PITPNM1: variants seen among roughly 807,000 people sequenced by gnomAD.
PITPNM1 encodes the protein phosphatidylinositol transfer protein membrane associated 1.
PITPNM1 carries 74 observed loss-of-function variants against 133.3 expected under a neutral mutation model. The observed-to-expected ratio is 0.56, with a 90% confidence interval of 0.46 to 0.67. The LOEUF (loss-of-function observed/expected upper bound fraction) is 0.67, where lower values mean the gene tolerates loss of function less well. Ranked by LOEUF, PITPNM1 falls within the 30% of genes least tolerant of loss-of-function variation. PITPNM1 has a pLI of 0.00. For synonymous variants in PITPNM1, 738 were observed against 741.4 expected (o/e 1.00, Z 0.08); for missense variants, 1,398 against 1,739.5 (o/e 0.80, Z 3.49).
chr11:67,502,996 A>G lies in PITPNM1; in HGVS notation c.79-278T>C, dbSNP rs1866384785. 6.6e-6 allele frequency among the ~76,000 whole-genome samples: 1 copy of G among 152,204 alleles called. No homozygotes were observed. The highest frequency in any genetic ancestry group is 2.4e-5 in the African/African-American group (1 of 41,442). On this transcript the variant is annotated intron_variant, in intron 2 of 23. Transcript: ENST00000356404. The surrounding 1 kb of genome is among the most constrained non-coding windows in gnomAD (Gnocchi z 5.9). ...AGTGTTTGGGATTATATCAATTGAG[A>G]TATATTGATGAATAGAACAAAGATC...
Position 67,492,214 on chromosome 11 carries a change from G to A in PITPNM1, c.3554C>T (p.Ala1185Val), listed in dbSNP as rs1482916517. The A allele has an allele frequency of 1.1e-5, 18 of 1,610,102 alleles. No homozygotes were observed. The highest frequency in any genetic ancestry group is 1.4e-5 in the Non-Finnish European group (17 of 1,178,738). ...ACCATAGCTGCTCTTGCCCAAGGCAGCTCTCGGGGGTCCCGAGGAGGCATG... is the reference window on the plus strand; with the variant it reads ...ACCATAGCTGCTCTTGCCCAAGGCAACTCTCGGGGGTCCCGAGGAGGCATG... Reference protein sequence around the residue: ...HSHASSGPPRAALGKSSYGVA... With the variant: ...HSHASSGPPRVALGKSSYGVA... The change falls in exon 24 of 24, where the codon GCT becomes GTT. Residue 1185 changes from alanine (A) to valine (V), a missense_variant. Ala to Val is a moderately conservative substitution (Grantham distance 64). This residue lies in a region of PITPNM1 where 122 missense variants were observed against 123.3 expected (regional missense o/e 0.99). Transcript: ENST00000356404.
intron 15 of PITPNM1, 144 bp from the exon 16 acceptor site, chr11:67,495,746 T>C: frequency 1.3e-6 from 1 of 789,332 alleles, no homozygotes; most frequent in Non-Finnish European, 1.9e-6. Flanking sequence ...TTCTCTCCTC[T>C]CAGCCCAGTG....
At chr11:67,497,789 G>T (rs966867047) in intron 12 of PITPNM1, 110 bp from the exon 13 acceptor site, 26 of 1,509,456 alleles carry the variant, frequency 1.7e-5, no homozygotes, top group Non-Finnish European at 2.3e-5. Flanking sequence ...GAATTCCAGA[G>T]AAGACATGAA....
Position 67,504,527 on chromosome 11 carries a change from C to T in PITPNM1, c.-41-306G>A, listed in dbSNP as rs1027703028. ...GGGCGGGAGGGCCACCTCACCTCTC[C>T]CGCTGCGACCGCGTCCTAACCCCGG... On this transcript the variant is annotated intron_variant, in intron 1 of 23. Transcript: ENST00000356404. The surrounding 1 kb of genome is among the most constrained non-coding windows in gnomAD (Gnocchi z 5.4). The T allele has an allele frequency of 2.6e-5, 4 of 152,276 alleles. No individual in the cohort carries two copies. Among genetic ancestry groups the T allele is most frequent in the Admixed American group, 2.6e-4 (4 of 15,296 alleles). 9.4% of individuals were successfully genotyped at this position (152,276 alleles called of 1,614,324 possible).
intron 16 of PITPNM1, 65 bp downstream of exon 16, chr11:67,495,373 G>T: frequency 6.9e-7 from 1 of 1,456,822 alleles, no homozygotes; most frequent in Non-Finnish European, 9.1e-7. Flanking sequence ...TCTCAGCTGG[G>T]CTTCGGAGGT....
chr11:67,497,970 G>A lies in PITPNM1; in HGVS notation c.1729C>T (p.His577Tyr), dbSNP rs1183785595. ...GGILGFDALC[H>Y]SANAGTGSRG... ...CTCCCGGTGCCCGCGTTAGCACTGT[G>A]GCAGAGTGCATCAAAGCCCAGGATG... Residue 577 changes from histidine (H) to tyrosine (Y), a missense_variant, in exon 12 of 24, where the codon CAC becomes TAC. Coordinates refer to ENST00000356404, the MANE Select transcript of PITPNM1 (RefSeq NM_004910.3). 1.2e-6 allele frequency: 2 copies of A among 1,611,178 alleles called. No individual in the cohort carries two copies. Among genetic ancestry groups the A allele is most frequent in the Non-Finnish European group, 1.7e-6 (2 of 1,180,010 alleles).
intron 23 of PITPNM1, among the ~76,000 whole-genome samples, chr11:67,492,570 C>T (rs1262003712): frequency 2.0e-5 from 3 of 152,258 alleles, no homozygotes; most frequent in East Asian, 3.8e-4. Context: ...TTAGCCAGCA[C>T]TTGCTTTGTG....
chr11:67,495,587 G>A lies in PITPNM1; in HGVS notation c.2333C>T (p.Thr778Met), dbSNP rs528261201. Reference protein sequence around the residue: ...SSLLLADTLQTHSSLFLEELE... With the variant: ...SSLLLADTLQMHSSLFLEELE... ...CTCCTCCAGAAAGAGGCTGGAGTGC[G>A]TCTGCAGAGTGTCGGCTGGGGGAAG... The change falls in exon 16 of 24, where the codon ACG (threonine) becomes ATG (methionine). Residue 778 changes from threonine (T) to methionine (M), a missense_variant. Thr to Met is a moderately conservative substitution (Grantham distance 81). This residue lies in a region of PITPNM1 where 574 missense variants were observed against 698.7 expected (regional missense o/e 0.82). Transcript: ENST00000356404. 2.3e-5 allele frequency: 37 copies of A among 1,575,354 alleles called. No homozygotes were observed. In the East Asian group the frequency reaches 3.0e-4, roughly 13 times the overall value.
chr11:67,494,008 G>A lies in PITPNM1; in HGVS notation c.2922C>T (p.Val974=). Residue 974 remains valine (V), a synonymous_variant, in exon 20 of 24, where the codon GTC becomes GTT. Transcript: ENST00000356404. ...SGKWIHFGTE[V]TNSSGRLTFP... is the part of the protein sequence containing the mutation. ...AGGTGAGGCGGCCCGAGCTATTGGT[G>A]ACTTCGGTGCCAAAGTGGATCCACT... 1.2e-6 allele frequency: 2 copies of A among 1,612,146 alleles called. No individual in the cohort carries two copies.
At position 67,498,684 on chromosome 11, in the gene PITPNM1, T is replaced by G; in HGVS notation, c.1396A>C (p.Ile466Leu). Residue 466 changes from isoleucine to leucine, a missense_variant, in exon 10 of 24, where the codon ATC becomes CTC. By Grantham distance (5) the Ile-to-Leu change is conservative. Coordinates refer to ENST00000356404, the MANE Select transcript of PITPNM1 (RefSeq NM_004910.3). This position sits in a 1 kb window ranked among gnomAD's most constrained non-coding sequence, Gnocchi z 5.7. ...LSSAFEAVTRIHFPEALGHVA... is the reference protein window; with the variant it reads ...LSSAFEAVTRLHFPEALGHVA... ...TGGCCCAAGGCCTCAGGGAAGTGGA[T>G]GCGGGTGACGGCCTCGAAGGCGGAG... is the stretch of plus-strand genomic sequence containing the variant. 1 of 1,603,656 alleles carries G rather than the reference T, an allele frequency of 6.2e-7. No individual in the cohort carries two copies. Among genetic ancestry groups the G allele is most frequent in the Non-Finnish European group, 8.5e-7 (1 of 1,179,928 alleles).
rs1431735782 is a variant in PITPNM1, at chr11:67,497,628, C to G, written c.1834G>C (p.Asp612His). The G allele has an allele frequency of 6.2e-7, 1 of 1,608,414 alleles. No individual in the cohort carries two copies. Among genetic ancestry groups the G allele is most frequent in the Non-Finnish European group, 8.5e-7 (1 of 1,178,650 alleles). Residue 612 changes from aspartate (D) to histidine (H), a missense_variant, in exon 13 of 24, where the codon GAT becomes CAT. Around this residue, in one of 5 missense-constraint regions of PITPNM1, gnomAD observed 574 missense variants for 698.7 expected, o/e 0.82. Transcript: ENST00000356404. ...EFGPVRDPLA[D>H]GVEGLGRGSP... ...CCCCGACCCAGGCCTTCCACACCAT[C>G]TGCCAGGGGGTCCCGCACTGGGCCA...
rs1171462633 is a variant in PITPNM1, at chr11:67,504,388, G to C, written c.-41-167C>G. 8.2e-6 allele frequency: 2 copies of C among 243,854 alleles called. No individual in the cohort carries two copies. Among genetic ancestry groups the C allele is most frequent in the Non-Finnish European group, 1.6e-5 (2 of 128,114 alleles). The allele number at this position is 243,854 out of a possible 1,614,324, so 15.1% of individuals were successfully genotyped here. A position where few individuals can be genotyped will look rare whatever the true frequency, so the allele number is the denominator to read the frequency against. On this transcript the variant is annotated intron_variant, in intron 1 of 23. Transcript: ENST00000356404. The surrounding 1 kb of genome is among the most constrained non-coding windows in gnomAD (Gnocchi z 5.4). ...GCCCGCGCCGCCGGGGCCGGGAGCC[G>C]CAGCGAGGCTGAGCGCTGACCTCTT...
chr11:67,502,158 T>G lies in PITPNM1; in HGVS notation c.416-72A>C. 6.4e-7 allele frequency: 1 copy of G among 1,555,630 alleles called. No homozygotes were observed. The highest frequency in any genetic ancestry group is 1.2e-5 in the South Asian group (1 of 86,064). On this transcript the variant is annotated intron_variant, in intron 4 of 23. Coordinates refer to ENST00000356404, the MANE Select transcript of PITPNM1 (RefSeq NM_004910.3). The surrounding 1 kb of genome is among the most constrained non-coding windows in gnomAD (Gnocchi z 5.9). Reference sequence around the variant, plus strand: ...CCCGCTCCTGGCACCCTCTTGGGACTGGATGACAGTTCCCGTCCTTTTGCA... The same window carrying G: ...CCCGCTCCTGGCACCCTCTTGGGACGGGATGACAGTTCCCGTCCTTTTGCA...
chr11:67,500,171 T>C lies in PITPNM1; in HGVS notation c.891A>G (p.Pro297=). 6.3e-7 allele frequency: 1 copy of C among 1,597,708 alleles called. No individual in the cohort carries two copies. Among genetic ancestry groups the C allele is most frequent in the South Asian group, 1.1e-5 (1 of 90,316 alleles). Residue 297 remains proline (P), a synonymous_variant, in exon 6 of 24, where the codon CCA becomes CCG. Coordinates refer to ENST00000356404, the MANE Select transcript of PITPNM1 (RefSeq NM_004910.3). ...TPDGPEAPPG[P]DASPDASFGK... Reference sequence around the variant, plus strand: ...CAAAGCTGGCATCGGGGGAGGCATCTGGGCCTGGGGGGGCCTCAGGCCCAT... The same window carrying C: ...CAAAGCTGGCATCGGGGGAGGCATCCGGGCCTGGGGGGGCCTCAGGCCCAT...
At chr11:67,492,899 T>G (rs996846357) in intron 23 of PITPNM1, 35 bp downstream of exon 23, 4 of 1,600,204 alleles carry the variant, frequency 2.5e-6, no homozygotes, top group Non-Finnish European at 3.4e-6. Flanking sequence ...TGCCCCCTGG[T>G]GGGGTCCTGT....
chr11:67,506,000 C>A (rs1459006862), upstream of PITPNM1, among the ~76,000 whole-genome samples: 1 of 152,258 alleles, frequency 6.6e-6, no homozygotes, highest in Non-Finnish European at 1.5e-5. The surrounding 1 kb of genome is among the most constrained non-coding windows in gnomAD (Gnocchi z 5.8). Flanking sequence ...CCCACCCAGC[C>A]TGCTACAAGG....
In PITPNM1 at chr11:67,505,219, C is replaced by G. The variant is rs918105588; in HGVS notation, c.-73G>C. Reference sequence around the variant, plus strand: ...CTTGAGGCGGGCGCCCCTCACCCAGCCCGGGCAGGGCCGGCCGGCCCGTGG... The same window carrying G: ...CTTGAGGCGGGCGCCCCTCACCCAGGCCGGGCAGGGCCGGCCGGCCCGTGG... On this transcript the variant is annotated 5_prime_UTR_variant, in exon 1 of 24. Transcript: ENST00000356404. This position sits in a 1 kb window ranked among gnomAD's most constrained non-coding sequence, Gnocchi z 5.8. 1 of 152,126 alleles carries G rather than the reference C, an allele frequency of 6.6e-6. No homozygotes were observed. Among genetic ancestry groups the G allele is most frequent in the East Asian group, 1.9e-4 (1 of 5,180 alleles). 9.4% of individuals were successfully genotyped at this position (152,126 alleles called of 1,614,324 possible). A position where few individuals can be genotyped will look rare whatever the true frequency, so the allele number is the denominator to read the frequency against.
rs568549396 is a variant in PITPNM1, at chr11:67,502,429, G to A, written c.294-16C>T. On this transcript the variant is annotated splice_polypyrimidine_tract_variant and intron_variant, in intron 3 of 23. Coordinates refer to ENST00000356404, the MANE Select transcript of PITPNM1 (RefSeq NM_004910.3). This position sits in a 1 kb window ranked among gnomAD's most constrained non-coding sequence, Gnocchi z 5.9. ...GCAGGTGTACCTGGGCAGAAGGCAC[G>A]GGTGAGGCTCACTGCTGTACCCACC... 2.7e-5 allele frequency: 44 copies of A among 1,613,812 alleles called. 1 individual carries two copies. The Admixed American group carries it at 4.7e-4, about 17-fold the overall frequency.
intron 15 of PITPNM1, 143 bp downstream of exon 15, chr11:67,496,035 C>G (rs1429382254): frequency 1.2e-6 from 1 of 848,322 alleles, no homozygotes; most frequent in Admixed American, 4.1e-5. Context: ...CCAGACCCCC[C>G]CAGGGGGAAG....
Sources: gnomAD v4.1 joint callset for allele counts (sites outside exome capture counted in the v4.1 genomes callset) on GRCh38, gnomAD v4.1.1 for gene constraint, gnomAD v4.1.1 regional missense constraint, Gnocchi (gnomAD v3.1) non-coding constraint, MANE v1.5 for transcripts, NCBI Gene and HGNC (gene_info 2026-07-23, HGNC 2026-07-21) for gene names.